The following CCDC141 variants were observed in gnomAD, a reference collection of about 807,000 sequenced individuals.
CCDC141 encodes coiled-coil domain-containing protein 141.
A neutral mutation model predicts 181.0 loss-of-function variants in CCDC141; 168 were observed. The ratio of observed to expected loss-of-function variants is 0.93; its 90% CI spans 0.82 to 1.05. The LOEUF is 1.05. Ranked by LOEUF, CCDC141 falls within the 50% of genes least tolerant of loss-of-function variation. The probability of loss-of-function intolerance (pLI) is 0.00; values close to 1 mark genes in which losing one functional copy is unlikely to be tolerated. For synonymous variants in CCDC141, 666 were observed against 642.3 expected (o/e 1.04, Z -0.56); for missense variants, 1,902 against 1,788.5 (o/e 1.06, Z -1.14).
At chr2:178,846,210 T>C (rs140505115) in intron 21 of CCDC141, among the ~76,000 whole-genome samples, 5 of 152,184 alleles carry the variant, frequency 3.3e-5, no homozygotes, top group African/African-American at 7.2e-5. Flanking sequence ...TCACTGAGTA[T>C]AGTAAAGAAA....
Position 178,888,537 on chromosome 2 carries a change from TA to T in CCDC141, c.1396del (p.Tyr466ThrfsTer33), listed in dbSNP as rs1292868303. Reference sequence around the variant, plus strand: ...AGTTTACGAAACTACCTTCCGTAGGTAACCCTCCACTGAGGCTGTTAGTTGT... The same window carrying T: ...AGTTTACGAAACTACCTTCCGTAGGTACCCTCCACTGAGGCTGTTAGTTGT... ...KQQLTASVEG[Y>X]LRKVEMSIQK... On this transcript the variant is annotated frameshift_variant, in exon 9 of 24. Transcript: ENST00000443758. LOFTEE classifies it high-confidence loss of function. The T allele has an allele frequency of 6.7e-5, 104 of 1,550,256 alleles. No homozygotes were observed. In the Admixed American group the frequency reaches 1.3e-3, roughly 20 times the overall value.
At chr2:178,874,240 A>G (rs1244237033) in intron 12 of CCDC141, 1 of 152,212 alleles carries the variant, frequency 6.6e-6, no homozygotes, top group African/African-American at 2.4e-5. Flanking sequence ...AATGTTGCTA[A>G]CCAATAAATT....
At chr2:178,867,402 C>T (rs1227488790) in intron 16 of CCDC141, among the ~76,000 whole-genome samples, 2 of 152,012 alleles carry the variant, frequency 1.3e-5, no homozygotes, top group African/African-American at 2.4e-5. Flanking sequence ...ATACAATAAC[C>T]AACTATGTCC....
chr2:179,045,845 T>A (rs574497945), intron 2 of CCDC141, among the ~76,000 whole-genome samples: 7 of 152,304 alleles, frequency 4.6e-5, no homozygotes, highest in African/African-American at 1.7e-4. Flanking sequence ...TTTTCCTACA[T>A]AGAAAAGACT....
chr2:178,845,230 T>A (rs953617460), intron 22 of CCDC141, among the ~76,000 whole-genome samples: 1 of 152,120 alleles, frequency 6.6e-6, no homozygotes, highest in Non-Finnish European at 1.5e-5. Context: ...GTGTAAAACA[T>A]AAAAATCATG....
In CCDC141 at chr2:178,832,693, A is replaced by C. The variant is rs1035503727; in HGVS notation, c.*1480T>G. 9.9e-5 allele frequency: 15 copies of C among 152,140 alleles called. No homozygotes were observed. The highest frequency in any genetic ancestry group is 9.8e-4 in the Admixed American group (15 of 15,266). The allele number at this position is 152,140 out of a possible 1,614,324, so 9.4% of individuals were successfully genotyped here. A position where few individuals can be genotyped will look rare whatever the true frequency, so the allele number is the denominator to read the frequency against. On this transcript the variant is annotated 3_prime_UTR_variant, in exon 24 of 24. Transcript: ENST00000443758. ...AACATTCAGTAACTTTTTAATAACA[A>C]CTTGAATACATTACATTTAAATATT...
intron 19 of CCDC141, among the ~76,000 whole-genome samples, chr2:178,854,062 C>T (rs1437369910): frequency 6.6e-6 from 1 of 152,188 alleles, no homozygotes; most frequent in Non-Finnish European, 1.5e-5. Context: ...ATTAATCATA[C>T]ACTGCTAAAG....
intron 13 of CCDC141, among the ~76,000 whole-genome samples, chr2:178,871,927 C>CCT (rs2154369206): frequency 6.6e-6 from 1 of 152,280 alleles, no homozygotes; most frequent in Admixed American, 6.5e-5. Context: ...CCATTCCCTC[C>CCT]CTCTCTCTCC....
intron 21 of CCDC141, among the ~76,000 whole-genome samples, chr2:178,846,282 A>T (rs1343075318): frequency 1.3e-5 from 2 of 152,192 alleles, no homozygotes; most frequent in Non-Finnish European, 2.9e-5. Context: ...CCTGCATTTC[A>T]TGGGGCTCAG....
chr2:179,024,392 T>C (rs779006516), intron 2 of CCDC141, among the ~76,000 whole-genome samples: 2 of 151,850 alleles, frequency 1.3e-5, no homozygotes, highest in African/African-American at 4.9e-5. Flanking sequence ...AATATATGTA[T>C]TCATTCATTC....
chr2:179,031,201 CTTG>C (rs956362641), intron 2 of CCDC141, among the ~76,000 whole-genome samples: 4 of 104,956 alleles, frequency 3.8e-5, no homozygotes, highest in Admixed American at 1.6e-4. Flanking sequence ...ATTATTTTCA[CTTG>C]TTTTTTTTTT....
intron 22 of CCDC141, among the ~76,000 whole-genome samples, chr2:178,844,332 G>A (rs1184098622): frequency 6.6e-6 from 1 of 152,110 alleles, no homozygotes; most frequent in Non-Finnish European, 1.5e-5. Context: ...TAGTATAATA[G>A]ATGCTACTGG....
In CCDC141 at chr2:178,978,633, T is replaced by G; in HGVS notation, c.268A>C (p.Lys90Gln). The G allele has an allele frequency of 6.5e-7, 1 of 1,547,624 alleles. No individual in the cohort carries two copies. Among genetic ancestry groups the G allele is most frequent in the Non-Finnish European group, 8.7e-7 (1 of 1,145,702 alleles). Residue 90 changes from lysine (K) to glutamine (Q), a missense_variant, in exon 3 of 24, where the codon AAG (lysine) becomes CAG (glutamine). By Grantham distance (53) the Lys-to-Gln change is moderately conservative. Transcript: ENST00000443758. The part of the protein sequence containing the change: ...RVWELLQEAD[K>Q]TAEENKDQSQ... ...TGATCCTTGTTCTCTTCAGCTGTCT[T>G]GTCTGCTTCCTGCAAGAGTTCCCAT...
Position 178,850,163 on chromosome 2 carries a change from T to G in CCDC141, c.3245-2A>C. 6.6e-7 allele frequency: 1 copy of G among 1,524,742 alleles called. No homozygotes were observed. The highest frequency in any genetic ancestry group is 1.2e-5 in the South Asian group (1 of 86,750). 94.5% of individuals were successfully genotyped at this position (1,524,742 alleles called of 1,614,324 possible). A position where few individuals can be genotyped will look rare whatever the true frequency, so the allele number is the denominator to read the frequency against. ...TATATTTCTGTCCTTCTTCCAAACC[T>G]GGGGAGGAGAAGGATGAAACTAGTT... On this transcript the variant is annotated splice_acceptor_variant, in intron 20 of 23. Transcript: ENST00000443758. LOFTEE classifies it high-confidence loss of function.
At chr2:178,886,667 C>G in intron 10 of CCDC141, 85 bp downstream of exon 10, 1 of 866,294 alleles carries the variant, frequency 1.2e-6, no homozygotes, top group East Asian at 3.0e-5. Flanking sequence ...CTCAAGTGAG[C>G]TAGGATTAAG....
intron 3 of CCDC141, among the ~76,000 whole-genome samples, 149 bp downstream of exon 3, chr2:178,978,329 CAATCAA>C (rs1394907645): frequency 1.3e-5 from 2 of 152,042 alleles, no homozygotes; most frequent in Admixed American, 6.6e-5. Flanking sequence ...TGTTTTTTGA[CAATCAA>C]AAATTAAATA....
intron 2 of CCDC141, among the ~76,000 whole-genome samples, chr2:179,003,305 C>T (rs2154383633): frequency 6.6e-6 from 1 of 152,282 alleles, no homozygotes; most frequent in South Asian, 2.1e-4. Context: ...AAATAAACCT[C>T]CTGTCAAAGC....
rs1269295236 is a variant in CCDC141, at chr2:178,917,525, G to A, written c.1092+1188C>T. ...CAGGGTGTTGATGTTGTGATTTTTA[G>A]ATCACAATGTACCTAGGTTCCAGGG... On this transcript the variant is annotated intron_variant, in intron 7 of 23. Transcript: ENST00000443758. Among the ~76,000 whole-genome samples the A allele has an allele frequency of 2.0e-5, 3 of 152,282 alleles. No individual in the cohort carries two copies. In the South Asian group the frequency reaches 6.2e-4, roughly 32 times the overall value.
chr2:178,959,248 A>T (rs983451599), intron 5 of CCDC141, among the ~76,000 whole-genome samples: 9 of 152,144 alleles, frequency 5.9e-5, no homozygotes, highest in Non-Finnish European at 1.0e-4. Context: ...CATATGTAAC[A>T]AACCTGCATG....
Sources: allele counts gnomAD v4.1 joint callset (sites outside exome capture counted in the v4.1 genomes callset), GRCh38; gene constraint gnomAD v4.1.1; transcripts MANE v1.5; gene names NCBI Gene and HGNC (gene_info 2026-07-23, HGNC 2026-07-21).